Variants in MACROD2 observed in about 807,000 individuals in gnomAD.
MACROD2 encodes the protein ADP-ribose glycohydrolase MACROD2.
Under a neutral mutation model 70.4 loss-of-function variants are expected in MACROD2, and 36 were observed. That is an observed-to-expected ratio of 0.51 (90% CI 0.39 to 0.68). The LOEUF (loss-of-function observed/expected upper bound fraction) is 0.68, where lower values mean the gene tolerates loss of function less well. MACROD2 is among the 30% of genes least tolerant of loss of function. The pLI is 0.00. For missense variants in MACROD2, 496 were observed against 538.4 expected (o/e 0.92, Z 0.78); for synonymous variants, 172 against 178.8 (o/e 0.96, Z 0.30).
intron 4 of MACROD2, among the ~76,000 whole-genome samples, chr20:14,537,014 G>A (rs998012649): frequency 1.3e-5 from 2 of 152,110 alleles, no homozygotes; most frequent in Admixed American, 1.3e-4. Flanking sequence ...AAGGGTCAGG[G>A]TGGCTTCCTG....
intron 3 of MACROD2, among the ~76,000 whole-genome samples, chr20:14,277,278 T>A (rs1417338372): frequency 6.6e-6 from 1 of 151,956 alleles, no homozygotes; most frequent in Non-Finnish European, 1.5e-5. Context: ...TGAAACCCCG[T>A]CTCTACTAAA....
intron 4 of MACROD2, among the ~76,000 whole-genome samples, chr20:14,649,483 A>G (rs1985566651): frequency 6.6e-6 from 1 of 152,162 alleles, no homozygotes; most frequent in Non-Finnish European, 1.5e-5. Flanking sequence ...CTAACAGGGA[A>G]AGTAAGCAAG....
intron 3 of MACROD2, among the ~76,000 whole-genome samples, chr20:14,159,470 A>AT (rs1348782492): frequency 6.6e-6 from 1 of 151,792 alleles, no homozygotes; most frequent in African/African-American, 2.4e-5. Flanking sequence ...ATTCTTAGGT[A>AT]TTTTTTTGTG....
At chr20:14,861,562 G>A (rs971113597) in intron 5 of MACROD2, among the ~76,000 whole-genome samples, 6 of 151,898 alleles carry the variant, frequency 4.0e-5, no homozygotes, top group African/African-American at 1.5e-4. Flanking sequence ...GGAGCTGGGG[G>A]AATGCACTCT....
At chr20:14,879,603 AG>A (rs1259975212) in intron 5 of MACROD2, among the ~76,000 whole-genome samples, 2 of 152,210 alleles carry the variant, frequency 1.3e-5, no homozygotes, top group South Asian at 4.1e-4. Flanking sequence ...CTGCTTTGTT[AG>A]TCCTTTCATA....
chr20:14,598,000 C>A (rs1316467423), intron 4 of MACROD2, among the ~76,000 whole-genome samples: 3 of 152,064 alleles, frequency 2.0e-5, no homozygotes, highest in African/African-American at 7.2e-5. Context: ...CCAACATAAA[C>A]AAATCTGTGC....
At chr20:14,720,435 A>ATAACAGT (rs2071451299) in intron 5 of MACROD2, among the ~76,000 whole-genome samples, 1 of 149,496 alleles carries the variant, frequency 6.7e-6, no homozygotes. Flanking sequence ...GTTTTGGTTG[A>ATAACAGT]TAACAGTTGT....
chr20:14,660,648 C>T (rs1199997332), intron 4 of MACROD2, among the ~76,000 whole-genome samples: 3 of 152,024 alleles, frequency 2.0e-5, no homozygotes, highest in Non-Finnish European at 1.5e-5. Flanking sequence ...ACCCAAGTAG[C>T]GAACATAGAA....
intron 5 of MACROD2, among the ~76,000 whole-genome samples, chr20:15,000,448 C>G (rs2122895377): frequency 7.5e-6 from 1 of 133,046 alleles, no homozygotes; most frequent in Non-Finnish European, 1.5e-5. Flanking sequence ...ACGGTGAAAC[C>G]CCGTCTCTAC....
intron 7 of MACROD2, among the ~76,000 whole-genome samples, chr20:15,472,302 T>C (rs754412255): frequency 6.6e-6 from 1 of 152,204 alleles, no homozygotes; most frequent in Admixed American, 6.5e-5. Flanking sequence ...TCCCAGGTGC[T>C]CTTTCCTAGC....
chr20:15,505,818 G>T (rs899852308), intron 8 of MACROD2, among the ~76,000 whole-genome samples: 1 of 152,196 alleles, frequency 6.6e-6, no homozygotes, highest in East Asian at 1.9e-4. Flanking sequence ...TATATAGGAG[G>T]AAGGTGGTAC....
intron 7 of MACROD2, among the ~76,000 whole-genome samples, chr20:15,478,539 CTG>C (rs1600470733): frequency 1.9e-5 from 2 of 104,678 alleles, no homozygotes; most frequent in South Asian, 3.9e-4. Flanking sequence ...GCGTGCATGA[CTG>C]TGTGTGTGTG....
intron 6 of MACROD2, among the ~76,000 whole-genome samples, chr20:15,353,703 A>G (rs2146229141): frequency 6.9e-6 from 1 of 144,128 alleles, no homozygotes; most frequent in South Asian, 2.3e-4. Context: ...ATGAACAGAC[A>G]CTTCTCAAAA....
intron 8 of MACROD2, among the ~76,000 whole-genome samples, chr20:15,750,412 C>G (rs1007749209): frequency 2.0e-5 from 3 of 151,938 alleles, no homozygotes; most frequent in African/African-American, 7.2e-5. Context: ...TGGGCTTGTC[C>G]TCGAGAAAAC....
rs144936967 is a variant in MACROD2 at position 14,963,592 on chromosome 20, C to T, written c.419-266348C>T. On this transcript the variant is annotated intron_variant, in intron 5 of 17. Coordinates refer to ENST00000684519, the MANE Select transcript of MACROD2 (RefSeq NM_001351661.2). Reference sequence around the variant, plus strand: ...TAACAGCTTCCAACACATTCCCTGCCGGTGGTGGGTTTTGATTGACATTTT... The same window carrying T: ...TAACAGCTTCCAACACATTCCCTGCTGGTGGTGGGTTTTGATTGACATTTT... Among the ~76,000 whole-genome samples, 961 of 152,156 alleles carry T rather than the reference C, an allele frequency of 6.3e-3. 15 individuals are homozygous for T. The highest frequency in any genetic ancestry group is 0.022 in the African/African-American group (924 of 41,492).
intron 5 of MACROD2, among the ~76,000 whole-genome samples, chr20:15,015,810 A>G (rs1600949953): frequency 6.6e-6 from 1 of 152,262 alleles, no homozygotes; most frequent in Non-Finnish European, 1.5e-5. Context: ...CAAAATGATT[A>G]TAGAAAAACA....
intron 5 of MACROD2, among the ~76,000 whole-genome samples, chr20:15,138,851 A>G (rs2076170629): frequency 6.6e-6 from 1 of 152,174 alleles, no homozygotes; most frequent in South Asian, 2.1e-4. Context: ...TCACACTTGA[A>G]CTTCAATTAC....
At chr20:15,074,402 AC>A (rs571787700) in intron 5 of MACROD2, among the ~76,000 whole-genome samples, 178 of 152,156 alleles carry the variant, frequency 1.2e-3, no homozygotes, top group African/African-American at 3.9e-3. Context: ...ACTGGAGGGT[AC>A]CCCCCTGGAA....
intron 7 of MACROD2, among the ~76,000 whole-genome samples, chr20:15,496,376 T>A (rs923368597): frequency 6.6e-6 from 1 of 152,162 alleles, no homozygotes; most frequent in Non-Finnish European, 1.5e-5. Context: ...CTTGTGGATG[T>A]TGAAATCACG....
Sources: gnomAD v4.1 joint callset for allele counts (sites outside exome capture counted in the v4.1 genomes callset) on GRCh38, gnomAD v4.1.1 for gene constraint, MANE v1.5 for transcripts, NCBI Gene and HGNC (gene_info 2026-07-23, HGNC 2026-07-21) for gene names.